KCNIP4: variants seen among roughly 807,000 people sequenced by gnomAD.
KCNIP4 encodes Kv channel-interacting protein 4.
In KCNIP4, 12 loss-of-function variants were observed where a neutral mutation model predicts 34.0. The observed-to-expected ratio is 0.35, with a 90% CI of 0.23 to 0.57. KCNIP4 has a LOEUF of 0.57. Ranked by LOEUF, KCNIP4 falls within the 20% of genes least tolerant of loss-of-function variation. The pLI is 0.83. For synonymous variants in KCNIP4, 124 were observed against 102.2 expected (o/e 1.21, Z -1.29); for missense variants, 238 against 311.7 (o/e 0.76, Z 1.78).
At chr4:21,633,183 G>A (rs1408205074) in intron 1 of KCNIP4, among the ~76,000 whole-genome samples, 1 of 152,164 alleles carries the variant, frequency 6.6e-6, no homozygotes, top group Non-Finnish European at 1.5e-5. Flanking sequence ...AAAATTAACA[G>A]CTATGTAAGG....
intron 1 of KCNIP4, among the ~76,000 whole-genome samples, chr4:21,684,092 T>C (rs962452835): frequency 1.3e-5 from 2 of 151,974 alleles, no homozygotes; most frequent in Admixed American, 6.6e-5. Flanking sequence ...TTTACTTATA[T>C]AACACATGTA....
Position 21,207,816 on chromosome 4 carries a change from CT to C in KCNIP4, c.62-325108del, listed in dbSNP as rs201964139. Among the ~76,000 whole-genome samples, 644 of 136,910 alleles carry C rather than the reference CT, an allele frequency of 4.7e-3. 8 individuals carry two copies. Among genetic ancestry groups the C allele is most frequent in the African/African-American group, 0.012 (438 of 37,324 alleles). The allele number at this position is 136,910 out of a possible 152,430, so 89.8% of individuals were successfully genotyped here. ...TTATATTTACTTTCTTTTTCATTTT[CT>C]TTTTTTTTTCTCCTTTTTTCTTTTT... On this transcript the variant is annotated intron_variant, in intron 1 of 8. Coordinates refer to ENST00000382152, the MANE Select transcript of KCNIP4 (RefSeq NM_025221.6).
intron 1 of KCNIP4, among the ~76,000 whole-genome samples, chr4:21,883,126 A>G (rs1726554273): frequency 6.6e-6 from 1 of 151,544 alleles, no homozygotes; most frequent in Non-Finnish European, 1.5e-5. Flanking sequence ...AGACATTTAA[A>G]TGGACAAATT....
chr4:21,910,909 C>T (rs1022783743), intron 1 of KCNIP4, among the ~76,000 whole-genome samples: 1 of 152,100 alleles, frequency 6.6e-6, no homozygotes. Context: ...ATGATTTACC[C>T]TAGCTTAGTC....
intron 1 of KCNIP4, among the ~76,000 whole-genome samples, chr4:21,378,758 T>C (rs1194690280): frequency 2.0e-5 from 3 of 152,200 alleles, no homozygotes; most frequent in Non-Finnish European, 4.4e-5. Flanking sequence ...CAAGTGATCA[T>C]AGAAATTTAG....
At chr4:21,637,942 C>T (rs567119523) in intron 1 of KCNIP4, among the ~76,000 whole-genome samples, 3 of 152,190 alleles carry the variant, frequency 2.0e-5, no homozygotes, top group Non-Finnish European at 2.9e-5. Context: ...TAATGTCTCC[C>T]AATTTTAATG....
At chr4:21,330,754 T>C (rs1715550039) in intron 1 of KCNIP4, among the ~76,000 whole-genome samples, 1 of 152,170 alleles carries the variant, frequency 6.6e-6, no homozygotes. Context: ...TACTCTTACC[T>C]CAAGTGAATG....
chr4:21,513,873 C>T (rs1241011708), intron 1 of KCNIP4, among the ~76,000 whole-genome samples: 1 of 152,164 alleles, frequency 6.6e-6, no homozygotes, highest in Non-Finnish European at 1.5e-5. Context: ...GTCTATGGAT[C>T]TGTACGACCT....
chr4:21,402,914 A>C (rs761866555), intron 1 of KCNIP4, among the ~76,000 whole-genome samples: 2 of 152,178 alleles, frequency 1.3e-5, no homozygotes, highest in Non-Finnish European at 2.9e-5. Flanking sequence ...ATCCCTGTGT[A>C]GACTGAGATG....
chr4:21,816,799 T>C (rs1279452139), intron 1 of KCNIP4, among the ~76,000 whole-genome samples: 1 of 152,088 alleles, frequency 6.6e-6, no homozygotes, highest in Middle Eastern at 3.2e-3. Flanking sequence ...GCAAAATCAT[T>C]GTGAAGCTGC....
At chr4:21,273,748 C>G (rs1762286369) in intron 1 of KCNIP4, among the ~76,000 whole-genome samples, 1 of 152,192 alleles carries the variant, frequency 6.6e-6, no homozygotes, top group South Asian at 2.1e-4. Context: ...CTTACTATAC[C>G]CAAATCCCAT....
chr4:21,061,157 T>C (rs925165629), intron 1 of KCNIP4, among the ~76,000 whole-genome samples: 12 of 152,178 alleles, frequency 7.9e-5, no homozygotes, highest in African/African-American at 2.9e-4. Context: ...CCCCATTCTC[T>C]TAAAGATTAA....
intron 1 of KCNIP4, among the ~76,000 whole-genome samples, chr4:21,714,790 T>TA (rs1491259918): frequency 0.023 from 6 of 260 alleles, no homozygotes; most frequent in African/African-American, 0.15. Context: ...CCTTTGATTA[T>TA]TTTATTTTAT....
chr4:21,228,256 A>T (rs182447594), intron 1 of KCNIP4, among the ~76,000 whole-genome samples: 25 of 152,186 alleles, frequency 1.6e-4, no homozygotes, highest in African/African-American at 5.8e-4. Context: ...GTGAGTTCTT[A>T]CAAGATCTGA....
At chr4:21,793,916 A>G (rs567372755) in intron 1 of KCNIP4, among the ~76,000 whole-genome samples, 1 of 152,236 alleles carries the variant, frequency 6.6e-6, no homozygotes. Context: ...TGGATTAAGA[A>G]AATGTGGCAC....
chr4:21,623,744 G>A (rs1395020412), intron 1 of KCNIP4, among the ~76,000 whole-genome samples: 12 of 151,962 alleles, frequency 7.9e-5, no homozygotes, highest in Admixed American at 7.2e-4. Context: ...TGGGAGTTCT[G>A]GCACTTACTA....
At chr4:21,111,268 T>A (rs553162482) in intron 1 of KCNIP4, among the ~76,000 whole-genome samples, 2 of 150,282 alleles carry the variant, frequency 1.3e-5, no homozygotes, top group South Asian at 4.2e-4. Context: ...TGGCTTTGAG[T>A]TTCAAATGGC....
intron 1 of KCNIP4, among the ~76,000 whole-genome samples, chr4:20,985,223 A>T (rs750357529): frequency 6.6e-6 from 1 of 152,050 alleles, no homozygotes; most frequent in African/African-American, 2.4e-5. Context: ...ACACTTAACC[A>T]CTCTAATAAC....
chr4:20,991,972 A>G (rs1400664593), intron 1 of KCNIP4, among the ~76,000 whole-genome samples: 1 of 152,190 alleles, frequency 6.6e-6, no homozygotes, highest in African/African-American at 2.4e-5. Context: ...GCGTAAGCTC[A>G]TTTCTTGCAC....
Sources: gnomAD v4.1 joint callset for allele counts (sites outside exome capture counted in the v4.1 genomes callset) on GRCh38, gnomAD v4.1.1 for gene constraint, MANE v1.5 for transcripts, NCBI Gene and HGNC (gene_info 2026-07-23, HGNC 2026-07-21) for gene names.